Variants in MAGI1 observed in about 807,000 individuals in gnomAD.
The protein encoded by MAGI1 is membrane-associated guanylate kinase, WW and PDZ domain-containing protein 1.
Under a neutral mutation model 139.9 loss-of-function variants are expected in MAGI1, and 58 were observed. The ratio of observed to expected loss-of-function variants is 0.41; its 90% CI spans 0.34 to 0.52. MAGI1 has a LOEUF of 0.52. Among genes scored for constraint, MAGI1 ranks in the 20% least tolerant of loss-of-function variants. The pLI, the probability that MAGI1 is intolerant of heterozygous loss-of-function variation, is 0.12. For synonymous variants in MAGI1, 812 were observed against 737.9 expected (o/e 1.10, Z -1.63); for missense variants, 1,874 against 1,901.6 (o/e 0.99, Z 0.27).
intron 2 of MAGI1, among the ~76,000 whole-genome samples, chr3:65,547,109 T>C (rs186960263): frequency 2.0e-3 from 309 of 152,344 alleles, no homozygotes; most frequent in Non-Finnish European, 3.3e-3. Context: ...CAAGAGTCCA[T>C]GCTGACTTAT....
intron 1 of MAGI1, among the ~76,000 whole-genome samples, chr3:65,822,211 T>C (rs2036070): frequency 0.5 from 76,601 of 152,060 alleles, 20,497 homozygotes; most frequent in East Asian, 0.78. Context: ...AGGAATTTAA[T>C]AGATAAAAAG....
chr3:65,866,802 A>AG (rs1559958263), intron 1 of MAGI1, among the ~76,000 whole-genome samples: 1 of 152,022 alleles, frequency 6.6e-6, no homozygotes, highest in African/African-American at 2.4e-5. Flanking sequence ...AAAAGAACAA[A>AG]CAAACAAACA....
chr3:65,950,078 C>CAAAAAAAAAAAAAAAAAAAAAAA (rs751496271), intron 1 of MAGI1, among the ~76,000 whole-genome samples: 1 of 40,340 alleles, frequency 2.5e-5, no homozygotes, highest in Non-Finnish European at 3.7e-5. Flanking sequence ...AAAAAAAAAA[C>CAAAAAAAAAAAAAAAAAAAAAAA]AAAAAAAAAA....
At chr3:65,407,733 TA>T (rs1305078805) in intron 12 of MAGI1, among the ~76,000 whole-genome samples, 6 of 152,124 alleles carry the variant, frequency 3.9e-5, no homozygotes, top group African/African-American at 1.4e-4. Context: ...TTCTAAACAC[TA>T]GGATTAATAA....
At chr3:65,378,674 T>C (rs1464633526) in intron 17 of MAGI1, among the ~76,000 whole-genome samples, 1 of 147,700 alleles carries the variant, frequency 6.8e-6, no homozygotes, top group African/African-American at 2.5e-5. Context: ...TTTTCTTTCC[T>C]TTCCTTTTCT....
chr3:65,463,418 A>G (rs1489190973), intron 5 of MAGI1, among the ~76,000 whole-genome samples: 1 of 152,190 alleles, frequency 6.6e-6, no homozygotes. Context: ...TGATTTGCAT[A>G]TGTTGAACCA....
intron 1 of MAGI1, among the ~76,000 whole-genome samples, chr3:65,653,490 T>G (rs1284966114): frequency 6.6e-6 from 1 of 152,128 alleles, no homozygotes; most frequent in Non-Finnish European, 1.5e-5. Flanking sequence ...TAATATAAGG[T>G]GTCATGGATG....
chr3:65,702,905 G>A (rs1307431802), intron 1 of MAGI1, among the ~76,000 whole-genome samples: 1 of 151,972 alleles, frequency 6.6e-6, no homozygotes, highest in African/African-American at 2.4e-5. Flanking sequence ...CTTGGGCTCA[G>A]CATATGGTGG....
intron 1 of MAGI1, among the ~76,000 whole-genome samples, chr3:65,979,097 C>CCCA (rs1259082173): frequency 8.0e-5 from 5 of 62,590 alleles, no homozygotes; most frequent in Non-Finnish European, 1.9e-4. Context: ...TTCCCCCCCC[C>CCCA]CGCCACCCCC....
intron 2 of MAGI1, among the ~76,000 whole-genome samples, chr3:65,500,711 C>A (rs1391156901): frequency 1.3e-5 from 2 of 152,202 alleles, no homozygotes; most frequent in East Asian, 3.9e-4. Context: ...AGATCTCACT[C>A]AACAACTGTC....
At chr3:65,604,290 A>G (rs1385911849) in intron 2 of MAGI1, among the ~76,000 whole-genome samples, 1 of 152,152 alleles carries the variant, frequency 6.6e-6, no homozygotes, top group Non-Finnish European at 1.5e-5. Context: ...ATAACATTTG[A>G]AGCTATGTTG....
chr3:65,359,394 AC>A, intron 22 of MAGI1: 2 of 1,278,830 alleles, frequency 1.6e-6, no homozygotes, highest in Non-Finnish European at 2.0e-6. Flanking sequence ...TGACTCGAGA[AC>A]CCAGACAACG....
At chr3:65,972,935 C>G (rs1303574974) in intron 1 of MAGI1, among the ~76,000 whole-genome samples, 1 of 152,190 alleles carries the variant, frequency 6.6e-6, no homozygotes, top group Non-Finnish European at 1.5e-5. Flanking sequence ...GTTCTCCCAA[C>G]CACTTCACTA....
intron 22 of MAGI1, among the ~76,000 whole-genome samples, chr3:65,358,264 A>G (rs1400315544): frequency 6.6e-6 from 1 of 152,172 alleles, no homozygotes; most frequent in East Asian, 1.9e-4. Flanking sequence ...ACTAAACCCA[A>G]CAAGTCATCC....
At chr3:65,908,472 G>A (rs1335894913) in intron 1 of MAGI1, among the ~76,000 whole-genome samples, 1 of 152,112 alleles carries the variant, frequency 6.6e-6, no homozygotes. Context: ...TTTTAGTAGA[G>A]ACAGGGTTTC....
chr3:66,034,845 T>G (rs1050392739), intron 1 of MAGI1, among the ~76,000 whole-genome samples: 3 of 152,152 alleles, frequency 2.0e-5, no homozygotes, highest in Non-Finnish European at 4.4e-5. Flanking sequence ...CTGCATTAGT[T>G]CATTTTTATG....
intron 5 of MAGI1, among the ~76,000 whole-genome samples, chr3:65,465,555 C>T (rs1950113215): frequency 6.6e-6 from 1 of 152,090 alleles, no homozygotes; most frequent in Non-Finnish European, 1.5e-5. Flanking sequence ...TAGAAAAATG[C>T]TATGCCACTT....
intron 1 of MAGI1, among the ~76,000 whole-genome samples, chr3:65,665,328 T>C (rs2086444458): frequency 1.3e-5 from 2 of 152,154 alleles, no homozygotes; most frequent in South Asian, 4.1e-4. Flanking sequence ...AAGCCACAGA[T>C]TGCCAAGGTA....
intron 1 of MAGI1, among the ~76,000 whole-genome samples, chr3:65,766,784 G>A (rs199775564): frequency 1.3e-5 from 2 of 152,036 alleles, no homozygotes; most frequent in Non-Finnish European, 2.9e-5. Context: ...AGCTACTCAG[G>A]AGGCTGAGGC....
Sources: allele counts gnomAD v4.1 joint callset (sites outside exome capture counted in the v4.1 genomes callset), GRCh38; gene constraint gnomAD v4.1.1; transcripts MANE v1.5; gene names NCBI Gene and HGNC (gene_info 2026-07-23, HGNC 2026-07-21).